Variants in DACH1 observed in about 807,000 individuals in gnomAD.
DACH1 encodes dachshund family transcription factor 1.
A neutral mutation model predicts 54.2 loss-of-function variants in DACH1; 12 were observed. That is an observed-to-expected ratio of 0.22 (90% CI 0.14 to 0.36). The LOEUF (loss-of-function observed/expected upper bound fraction) is 0.36. Among genes scored for constraint, DACH1 ranks in the 10% least tolerant of loss-of-function variants. DACH1 has a pLI of 1.00. For missense variants in DACH1, 805 were observed against 929.8 expected (o/e 0.87, Z 1.75); for synonymous variants, 386 against 366.2 (o/e 1.05, Z -0.62).
chr13:71,558,709 G>C (rs932354300), intron 5 of DACH1, among the ~76,000 whole-genome samples: 2 of 151,746 alleles, frequency 1.3e-5, no homozygotes, highest in Admixed American at 6.6e-5. Flanking sequence ...ATACGTTTCC[G>C]GCAGGCCAAA....
At chr13:71,547,587 T>C (rs918385866) in intron 6 of DACH1, among the ~76,000 whole-genome samples, 6 of 152,102 alleles carry the variant, frequency 3.9e-5, no homozygotes, top group Admixed American at 3.9e-4. Context: ...CATACCTCTC[T>C]AGGAATAATT....
chr13:71,767,391 A>G (rs1473792597), intron 1 of DACH1, among the ~76,000 whole-genome samples: 1 of 152,124 alleles, frequency 6.6e-6, no homozygotes, highest in Non-Finnish European at 1.5e-5. Flanking sequence ...GAATATAAAG[A>G]GAATCTGAAT....
At chr13:71,651,577 C>T (rs758661929) in intron 2 of DACH1, among the ~76,000 whole-genome samples, 3 of 152,010 alleles carry the variant, frequency 2.0e-5, no homozygotes, top group Non-Finnish European at 4.4e-5. Context: ...GGGAGAATCA[C>T]TTGAGGCCAG....
intron 1 of DACH1, among the ~76,000 whole-genome samples, chr13:71,692,181 TA>T (rs1355111328): frequency 6.6e-6 from 1 of 152,144 alleles, no homozygotes; most frequent in East Asian, 1.9e-4. Flanking sequence ...TCAATAAATG[TA>T]AATCATATTA....
intron 6 of DACH1, among the ~76,000 whole-genome samples, chr13:71,510,643 A>T (rs1050203964): frequency 2.0e-5 from 3 of 152,008 alleles, no homozygotes; most frequent in Non-Finnish European, 2.9e-5. Flanking sequence ...TGCCATTAAT[A>T]TATTTTTTCA....
chr13:71,684,319 C>A (rs1021594900), intron 1 of DACH1, among the ~76,000 whole-genome samples: 11 of 152,164 alleles, frequency 7.2e-5, no homozygotes, highest in African/African-American at 2.4e-4. Flanking sequence ...TGGTTCCCTA[C>A]TGGATTCACA....
chr13:71,584,722 T>C (rs1300374937), intron 3 of DACH1, among the ~76,000 whole-genome samples: 1 of 152,108 alleles, frequency 6.6e-6, no homozygotes, highest in African/African-American at 2.4e-5. Context: ...AGGTTAATAT[T>C]AATAAAATTT....
intron 1 of DACH1, among the ~76,000 whole-genome samples, chr13:71,834,944 T>C (rs781161524): frequency 6.6e-6 from 1 of 152,054 alleles, no homozygotes; most frequent in Non-Finnish European, 1.5e-5. Flanking sequence ...TTTGTCTTTC[T>C]CTCAGTGTTT....
At position 71,581,037 on chromosome 13, in the gene DACH1, C is replaced by CTT. The variant is rs11409245; in HGVS notation, c.1127-8027_1127-8026dup. On this transcript the variant is annotated intron_variant, in intron 3 of 10. Transcript: ENST00000613252. ...AAGTTCCACGTGGTCAAGCCTGTGT[C>CTT]TTTTTTTTTTTTTCTCTCATCATTG... Among the ~76,000 whole-genome samples, 299 of 141,928 alleles carry CTT rather than the reference C, an allele frequency of 2.1e-3. 1 individual carries two copies. Among genetic ancestry groups the CTT allele is most frequent in the African/African-American group, 6.9e-3 (271 of 39,298 alleles). 93.1% of individuals were successfully genotyped at this position (141,928 alleles called of 152,430 possible). A position where few individuals can be genotyped will look rare whatever the true frequency, so the allele number is the denominator to read the frequency against.
chr13:71,849,682 T>C (rs1433056529), intron 1 of DACH1, among the ~76,000 whole-genome samples: 1 of 152,148 alleles, frequency 6.6e-6, no homozygotes, highest in Non-Finnish European at 1.5e-5. Context: ...AGCTAGACAC[T>C]AAGACCAGAG....
chr13:71,857,390 A>G (rs1190211149), intron 1 of DACH1, among the ~76,000 whole-genome samples: 1 of 151,786 alleles, frequency 6.6e-6, no homozygotes, highest in African/African-American at 2.4e-5. Flanking sequence ...AGGTAAAATT[A>G]AAGCCAATTG....
At chr13:71,749,771 G>A (rs1040775192) in intron 1 of DACH1, among the ~76,000 whole-genome samples, 3 of 152,148 alleles carry the variant, frequency 2.0e-5, no homozygotes, top group East Asian at 1.9e-4. Context: ...TAAGGAACAC[G>A]AGTTCCGTAA....
intron 2 of DACH1, among the ~76,000 whole-genome samples, chr13:71,634,705 C>A (rs1012405877): frequency 3.3e-5 from 5 of 152,116 alleles, no homozygotes. Flanking sequence ...CCAATCTACC[C>A]CACTTGCTTG....
chr13:71,525,002 A>AT (rs1235056175), intron 6 of DACH1, among the ~76,000 whole-genome samples: 4 of 151,974 alleles, frequency 2.6e-5, no homozygotes, highest in Non-Finnish European at 5.9e-5. Flanking sequence ...TGACACCCTC[A>AT]TTTTTTTCTT....
At chr13:71,763,495 A>G (rs1885486762) in intron 1 of DACH1, among the ~76,000 whole-genome samples, 1 of 151,992 alleles carries the variant, frequency 6.6e-6, no homozygotes. Context: ...TTTGGTTGGA[A>G]TAGTTTATGT....
chr13:71,506,018 A>G (rs746074171), intron 6 of DACH1, among the ~76,000 whole-genome samples: 86 of 152,274 alleles, frequency 5.6e-4, no homozygotes, highest in Non-Finnish European at 9.7e-4. Flanking sequence ...ATTAAAAACT[A>G]TACTGTTATT....
chr13:71,539,004 ATATTT>A (rs1882976516), intron 6 of DACH1, among the ~76,000 whole-genome samples: 1 of 152,124 alleles, frequency 6.6e-6, no homozygotes, highest in Non-Finnish European at 1.5e-5. Flanking sequence ...ACAGTTCCTT[ATATTT>A]TATTTTTTTA....
chr13:71,675,065 C>T (rs1475487334), intron 2 of DACH1: 10 of 1,455,078 alleles, frequency 6.9e-6, no homozygotes, highest in Admixed American at 1.7e-5. Flanking sequence ...CTCTGTACCA[C>T]GGCTCGTACA....
At chr13:71,825,133 A>G (rs1888330751) in intron 1 of DACH1, among the ~76,000 whole-genome samples, 1 of 152,068 alleles carries the variant, frequency 6.6e-6, no homozygotes, top group South Asian at 2.1e-4. Context: ...AAATAACAAA[A>G]AAGATGCTCT....
Sources: gnomAD v4.1 joint callset for allele counts (sites outside exome capture counted in the v4.1 genomes callset) on GRCh38, gnomAD v4.1.1 for gene constraint, MANE v1.5 for transcripts, NCBI Gene and HGNC (gene_info 2026-07-23, HGNC 2026-07-21) for gene names.